Variants in CDH8 observed in about 807,000 individuals in gnomAD.
CDH8 encodes the protein cadherin 8.
In CDH8, 17 loss-of-function variants were observed where a neutral mutation model predicts 68.1. The observed-to-expected ratio is 0.25, with a 90% confidence interval of 0.17 to 0.37. The LOEUF is 0.37. CDH8 is among the 10% of genes least tolerant of loss of function. CDH8 has a pLI of 1.00. For missense variants in CDH8, 763 were observed against 999.3 expected (o/e 0.76, Z 3.19); for synonymous variants, 372 against 365.1 (o/e 1.02, Z -0.21).
intron 2 of CDH8, among the ~76,000 whole-genome samples, chr16:61,920,435 T>C (rs79972340): frequency 6.0e-5 from 9 of 149,220 alleles, no homozygotes; most frequent in Non-Finnish European, 1.3e-4. Context: ...CATCAAAAAG[T>C]GGGCGAAGGG....
intron 3 of CDH8, among the ~76,000 whole-genome samples, chr16:61,861,705 T>C (rs1327677238): frequency 6.6e-6 from 1 of 152,214 alleles, no homozygotes; most frequent in Non-Finnish European, 1.5e-5. Context: ...ACATTTCATC[T>C]CCAACATTTA....
At chr16:61,800,787 G>C (rs949158138) in intron 7 of CDH8, among the ~76,000 whole-genome samples, 1 of 149,638 alleles carries the variant, frequency 6.7e-6, no homozygotes, top group East Asian at 2.0e-4. Context: ...GCAATATTAT[G>C]TTTTCCTCTG....
At chr16:61,759,700 G>A (rs141075170) in intron 8 of CDH8, among the ~76,000 whole-genome samples, 5 of 152,218 alleles carry the variant, frequency 3.3e-5, no homozygotes, top group South Asian at 2.1e-4. Flanking sequence ...GGGTCAGCTC[G>A]AGGATGATGC....
intron 2 of CDH8, among the ~76,000 whole-genome samples, chr16:62,019,156 A>G (rs968627): frequency 0.57 from 87,285 of 152,070 alleles, 25,212 homozygotes; most frequent in East Asian, 0.72. Context: ...CATATGGTAT[A>G]AGAACGCCTT....
intron 2 of CDH8, chr16:61,918,236 A>C (rs895411294): frequency 3.3e-5 from 5 of 152,218 alleles, no homozygotes; most frequent in Non-Finnish European, 5.9e-5. Context: ...GGGAGTACAC[A>C]CAAACCACTT....
At chr16:61,807,475 A>AT (rs1218454532) in intron 7 of CDH8, among the ~76,000 whole-genome samples, 1 of 152,070 alleles carries the variant, frequency 6.6e-6, no homozygotes. Flanking sequence ...TTAAAGTATA[A>AT]TAAAAAAAAC....
intron 1 of CDH8, among the ~76,000 whole-genome samples, chr16:62,025,492 G>A (rs929302311): frequency 3.3e-5 from 5 of 152,082 alleles, no homozygotes; most frequent in Admixed American, 1.3e-4. Context: ...GTTTCTAGGG[G>A]TGAGATGGCC....
At chr16:61,862,066 T>A (rs967843748) in intron 3 of CDH8, among the ~76,000 whole-genome samples, 6 of 151,924 alleles carry the variant, frequency 3.9e-5, no homozygotes, top group Non-Finnish European at 7.4e-5. Context: ...TAGCAATATA[T>A]CCACACGCTT....
At chr16:62,018,410 T>C (rs1901994104) in intron 2 of CDH8, among the ~76,000 whole-genome samples, 1 of 152,166 alleles carries the variant, frequency 6.6e-6, no homozygotes, top group Non-Finnish European at 1.5e-5. Flanking sequence ...AAGTAATGCT[T>C]CTCAGCCGGT....
At chr16:61,885,548 G>T (rs1963656844) in intron 3 of CDH8, among the ~76,000 whole-genome samples, 1 of 152,114 alleles carries the variant, frequency 6.6e-6, no homozygotes, top group African/African-American at 2.4e-5. Flanking sequence ...ACTGTGAGTT[G>T]CTGTCAGAGC....
intron 8 of CDH8, among the ~76,000 whole-genome samples, chr16:61,766,846 G>C (rs1310278165): frequency 1.3e-5 from 2 of 151,944 alleles, no homozygotes; most frequent in African/African-American, 4.8e-5. Flanking sequence ...ATACTCGTTT[G>C]TTCTGTGCAA....
chr16:61,994,712 G>A (rs1965780951), intron 2 of CDH8, among the ~76,000 whole-genome samples: 1 of 151,666 alleles, frequency 6.6e-6, no homozygotes, highest in South Asian at 2.1e-4. Context: ...CAGAGGTACT[G>A]AATCAGAAAC....
chr16:61,920,953 A>G (rs950366292), intron 2 of CDH8, among the ~76,000 whole-genome samples: 62 of 148,746 alleles, frequency 4.2e-4, no homozygotes, highest in Non-Finnish European at 6.1e-4. Flanking sequence ...TGTCCTTTGT[A>G]GGGACATGGA....
chr16:61,839,999 A>C (rs2143007796), intron 4 of CDH8, among the ~76,000 whole-genome samples: 1 of 152,164 alleles, frequency 6.6e-6, no homozygotes, highest in Non-Finnish European at 1.5e-5. Flanking sequence ...TCTTTGTCAA[A>C]ATTTGCCAAG....
rs1391027249 is a variant in CDH8, at chr16:61,960,038, A to C, written c.253-58565T>G. Among the ~76,000 whole-genome samples the C allele has an allele frequency of 2.4e-4, 25 of 103,068 alleles. 3 individuals carry two copies. The highest frequency in any genetic ancestry group is 1.1e-3 in the African/African-American group (24 of 22,542). 67.6% of individuals were successfully genotyped at this position (103,068 alleles called of 152,430 possible). ...TATACACACATACACACACACACAC[A>C]ACATATATGTATGTATGTGTGTGTG... On this transcript the variant is annotated intron_variant, in intron 2 of 11. Coordinates refer to ENST00000577390, the MANE Select transcript of CDH8 (RefSeq NM_001796.5).
chr16:61,656,175 G>A (rs1963444700), intron 10 of CDH8, among the ~76,000 whole-genome samples: 2 of 152,030 alleles, frequency 1.3e-5, no homozygotes, highest in African/African-American at 4.8e-5. Flanking sequence ...CCCGGCCTGC[G>A]CTTTTTCAAT....
chr16:62,002,970 G>A (rs1051024404), intron 2 of CDH8, among the ~76,000 whole-genome samples: 3 of 152,078 alleles, frequency 2.0e-5, no homozygotes, highest in African/African-American at 4.8e-5. Flanking sequence ...GGAGAATGGC[G>A]TGAACCGGAA....
intron 7 of CDH8, among the ~76,000 whole-genome samples, chr16:61,802,082 G>A (rs1223687466): frequency 1.4e-5 from 2 of 143,016 alleles, no homozygotes; most frequent in Non-Finnish European, 3.0e-5. Context: ...CAGCTTTGAA[G>A]AGAGCAGTGG....
intron 10 of CDH8, among the ~76,000 whole-genome samples, chr16:61,677,334 T>G: frequency 6.6e-6 from 1 of 151,376 alleles, no homozygotes; most frequent in East Asian, 1.9e-4. Flanking sequence ...TTTTCCTTAC[T>G]GGCATCTTTC....
Sources: gnomAD v4.1 joint callset for allele counts (sites outside exome capture counted in the v4.1 genomes callset) on GRCh38, gnomAD v4.1.1 for gene constraint, MANE v1.5 for transcripts, NCBI Gene and HGNC (gene_info 2026-07-23, HGNC 2026-07-21) for gene names.